The following BBX variants were observed in gnomAD, a reference collection of about 807,000 sequenced individuals.
BBX encodes HMG box transcription factor BBX.
BBX carries 30 observed loss-of-function variants against 100.2 expected under a neutral mutation model. That is an observed-to-expected ratio of 0.30 (90% CI 0.22 to 0.41). The LOEUF is 0.41. Ranked by LOEUF, BBX falls within the 10% of genes least tolerant of loss-of-function variation. The pLI, the probability that BBX is intolerant of heterozygous loss-of-function variation, is 1.00. For missense variants in BBX, 1,023 were observed against 1,129.8 expected (o/e 0.91, Z 1.35); for synonymous variants, 376 against 388.1 (o/e 0.97, Z 0.37).
intron 2 of BBX, among the ~76,000 whole-genome samples, chr3:107,565,268 C>T (rs2050794225): frequency 6.6e-6 from 1 of 151,250 alleles, no homozygotes; most frequent in Non-Finnish European, 1.5e-5. Context: ...AAAGTTGTGT[C>T]AGCCTGTTCA....
chr3:107,716,826 A>T lies in BBX; in HGVS notation c.382A>T (p.Lys128Ter). Residue 128 changes from lysine to a stop codon, truncating the protein, a stop_gained, in exon 5 of 18, where the codon AAA becomes TAA. Coordinates refer to ENST00000325805, the MANE Select transcript of BBX (RefSeq NM_001142568.3). LOFTEE classifies it high-confidence loss of function. Reference sequence around the variant, plus strand: ...TGTTCTTGATCCAAAGGAAAAGCAGAAATACACAGACATGGCCAAGGAGGT... The same window carrying T: ...TGTTCTTGATCCAAAGGAAAAGCAGTAATACACAGACATGGCCAAGGAGGT... ...WAVLDPKEKQ[K>*]YTDMAKEYKD... 6.2e-7 allele frequency: 1 copy of T among 1,613,596 alleles called. No homozygotes were observed. The highest frequency in any genetic ancestry group is 8.5e-7 in the Non-Finnish European group (1 of 1,179,608).
chr3:107,635,020 G>A (rs1017098287), intron 2 of BBX, among the ~76,000 whole-genome samples: 1 of 152,122 alleles, frequency 6.6e-6, no homozygotes, highest in Admixed American at 6.5e-5. Flanking sequence ...AGAGACCTGG[G>A]TCAAGTAAGT....
At chr3:107,563,814 A>G (rs547411764) in intron 2 of BBX, among the ~76,000 whole-genome samples, 1 of 152,330 alleles carries the variant, frequency 6.6e-6, no homozygotes, top group South Asian at 2.1e-4. Flanking sequence ...CCTGACATGT[A>G]TTAAACACTC....
At chr3:107,593,669 GC>G (rs940496307) in intron 2 of BBX, among the ~76,000 whole-genome samples, 10 of 152,148 alleles carry the variant, frequency 6.6e-5, no homozygotes, top group African/African-American at 2.4e-4. Context: ...AGTGGCATAT[GC>G]AGAGTATTTG....
intron 2 of BBX, among the ~76,000 whole-genome samples, chr3:107,578,702 A>G (rs898948743): frequency 4.6e-5 from 7 of 152,122 alleles, no homozygotes; most frequent in African/African-American, 1.7e-4. Context: ...AAGGAGAAGC[A>G]CAGCACACTC....
intron 3 of BBX, among the ~76,000 whole-genome samples, chr3:107,667,063 A>G (rs16853756): frequency 0.21 from 32,467 of 152,126 alleles, 3,619 homozygotes; most frequent in African/African-American, 0.27. Context: ...ATTATGCCCA[A>G]TGTTCTGTTC....
chr3:107,609,002 CA>C (rs984425876), intron 2 of BBX, among the ~76,000 whole-genome samples: 1 of 152,140 alleles, frequency 6.6e-6, no homozygotes, highest in African/African-American at 2.4e-5. Context: ...CATCTGCAAA[CA>C]AGGATGACTT....
At chr3:107,672,314 A>T (rs1043632114) in intron 3 of BBX, among the ~76,000 whole-genome samples, 1 of 152,026 alleles carries the variant, frequency 6.6e-6, no homozygotes, top group Non-Finnish European at 1.5e-5. Flanking sequence ...AGAGGATTTG[A>T]CCTATTAGGA....
intron 2 of BBX, among the ~76,000 whole-genome samples, chr3:107,571,402 C>A (rs892495855): frequency 6.6e-6 from 1 of 152,160 alleles, no homozygotes; most frequent in African/African-American, 2.4e-5. Flanking sequence ...TTCCTGAGTC[C>A]GTGACTGGCG....
At chr3:107,752,910 G>C (rs1033620990) in intron 9 of BBX, among the ~76,000 whole-genome samples, 2 of 152,214 alleles carry the variant, frequency 1.3e-5, no homozygotes, top group African/African-American at 4.8e-5. Context: ...GTTCGTATCT[G>C]AAAGGATGTA....
Position 107,755,512 on chromosome 3 carries a change from A to G in BBX, c.826-86A>G, listed in dbSNP as rs1010568851. The G allele has an allele frequency of 1.6e-5, 19 of 1,213,332 alleles. No homozygotes were observed. In the East Asian group the frequency reaches 4.2e-4, roughly 27 times the overall value. The allele number at this position is 1,213,332 out of a possible 1,614,324, so 75.2% of individuals were successfully genotyped here. Reference sequence around the variant, plus strand: ...GGGAGCAATGATACTCTCGTAACTAAGAAAAATTCCTGAATGTATATGAAT... The same window carrying G: ...GGGAGCAATGATACTCTCGTAACTAGGAAAAATTCCTGAATGTATATGAAT... On this transcript the variant is annotated intron_variant, in intron 9 of 17. Coordinates refer to ENST00000325805, the MANE Select transcript of BBX (RefSeq NM_001142568.3).
chr3:107,679,910 C>T (rs576823258), intron 3 of BBX, among the ~76,000 whole-genome samples: 1 of 152,162 alleles, frequency 6.6e-6, no homozygotes, highest in Non-Finnish European at 1.5e-5. Context: ...TTGGGAAAGC[C>T]CAGCCTATGA....
chr3:107,765,906 A>G (rs1367054794), intron 10 of BBX, among the ~76,000 whole-genome samples: 2 of 152,238 alleles, frequency 1.3e-5, no homozygotes, highest in Admixed American at 6.5e-5. Context: ...CAGTGGAACA[A>G]ATATCAAAAA....
intron 2 of BBX, among the ~76,000 whole-genome samples, chr3:107,560,420 C>G (rs1181349956): frequency 6.6e-6 from 1 of 152,110 alleles, no homozygotes; most frequent in Admixed American, 6.5e-5. Flanking sequence ...AGCTGAGATA[C>G]TAAGTAAAGT....
At chr3:107,743,331 ATTTTTTG>A (rs1234941640) in intron 7 of BBX, among the ~76,000 whole-genome samples, 1 of 152,138 alleles carries the variant, frequency 6.6e-6, no homozygotes, top group Non-Finnish European at 1.5e-5. Context: ...GGAGTTCTCA[ATTTTTTG>A]TGGCTACGAA....
chr3:107,637,760 T>C (rs1227939566), intron 2 of BBX, among the ~76,000 whole-genome samples: 1 of 152,234 alleles, frequency 6.6e-6, no homozygotes, highest in Non-Finnish European at 1.5e-5. Flanking sequence ...GATGGCCTTT[T>C]GTGTAGTCAC....
intron 7 of BBX, among the ~76,000 whole-genome samples, chr3:107,740,774 C>A (rs543104798): frequency 6.6e-6 from 1 of 151,934 alleles, no homozygotes; most frequent in East Asian, 1.9e-4. Context: ...TAAGGTGTAT[C>A]TTAGATGTTA....
chr3:107,555,198 C>A (rs1576289341), intron 2 of BBX, among the ~76,000 whole-genome samples: 1 of 152,220 alleles, frequency 6.6e-6, no homozygotes, highest in African/African-American at 2.4e-5. Context: ...TTTCCCACCT[C>A]CTATCTTCTC....
At chr3:107,792,551 C>G (rs1308373962) in intron 15 of BBX, among the ~76,000 whole-genome samples, 1 of 152,306 alleles carries the variant, frequency 6.6e-6, no homozygotes, top group Non-Finnish European at 1.5e-5. Flanking sequence ...TGAGCCACAT[C>G]AGCTTCCGTG....
Sources: gnomAD v4.1 joint callset for allele counts (sites outside exome capture counted in the v4.1 genomes callset) on GRCh38, gnomAD v4.1.1 for gene constraint, MANE v1.5 for transcripts, NCBI Gene and HGNC (gene_info 2026-07-23, HGNC 2026-07-21) for gene names.